Variants in NCBP3 observed in about 807,000 individuals in gnomAD.
NCBP3 encodes the protein nuclear cap binding subunit 3, also known as nuclear cap-binding protein subunit 3.
NCBP3 carries 20 observed loss-of-function variants against 75.7 expected under a neutral mutation model. The ratio of observed to expected loss-of-function variants is 0.26; its 90% CI spans 0.19 to 0.38. The LOEUF (loss-of-function observed/expected upper bound fraction) is 0.38, where lower values mean the gene tolerates loss of function less well. NCBP3 is among the 10% of genes least tolerant of loss of function. The pLI is 1.00. For missense variants in NCBP3, 678 were observed against 796.9 expected, an observed-to-expected ratio of 0.85 and a Z score of 1.80; for synonymous variants, 293 against 290.5, an observed-to-expected ratio of 1.01 and a Z score of -0.09.
rs1254299033 is a variant in NCBP3, at chr17:3,811,759, A to G, written c.*1285T>C. 1 of 152,236 alleles carries G rather than the reference A, an allele frequency of 6.6e-6. No homozygotes were observed. The highest frequency in any genetic ancestry group is 2.4e-5 in the African/African-American group (1 of 41,462). The allele number at this position is 152,236 out of a possible 1,614,324, so 9.4% of individuals were successfully genotyped here. ...CATCTCTAACGCCCATGTTCCAGCA[A>G]ACCGAAGAAAAACACTGTTTCTTAA... On this transcript the variant is annotated 3_prime_UTR_variant, in exon 13 of 13. Transcript: ENST00000389005.
rs984093273 is a variant in NCBP3, at chr17:3,810,625, G to C, written c.*2419C>G. On this transcript the variant is annotated 3_prime_UTR_variant, in exon 13 of 13. Transcript: ENST00000389005. ...TCATTCAGGACACACTCAAGATGTT[G>C]CAAGATCTGAGTGACTGAGAGTGGG... 1.3e-5 allele frequency: 2 copies of C among 152,194 alleles called. No individual in the cohort carries two copies. The highest frequency in any genetic ancestry group is 6.5e-5 in the Admixed American group (1 of 15,282). 9.4% of individuals were successfully genotyped at this position (152,194 alleles called of 1,614,324 possible).
Position 3,846,106 on chromosome 17 carries a change from T to C in NCBP3, c.118A>G (p.Met40Val). 6.5e-7 allele frequency: 1 copy of C among 1,548,644 alleles called. No homozygotes were observed. The highest frequency in any genetic ancestry group is 8.7e-7 in the Non-Finnish European group (1 of 1,145,802). Residue 40 changes from methionine to valine, a missense_variant, in exon 1 of 13, where the codon ATG (methionine) becomes GTG (valine). By Grantham distance (21) the Met-to-Val change is conservative. Around this residue, in one of 7 missense-constraint regions of NCBP3, gnomAD observed 46 missense variants for 82.8 expected, o/e 0.56. Transcript: ENST00000389005. The surrounding 1 kb of genome is among the most constrained non-coding windows in gnomAD (Gnocchi z 4.6). Reference sequence around the variant, plus strand: ...TCCAGCTCGCCCTCCTCCACCTCCATGGGCTCCGGCTCGCCACGGTCAACA... The same window carrying C: ...TCCAGCTCGCCCTCCTCCACCTCCACGGGCTCCGGCTCGCCACGGTCAACA... ...SGVDRGEPEP[M>V]EVEEGELEIV...
chr17:3,804,652 A>C lies in NCBP3; in HGVS notation c.*8392T>G, dbSNP rs2053318359. 6.6e-6 allele frequency: 1 copy of C among 152,072 alleles called. No homozygotes were observed. The highest frequency in any genetic ancestry group is 1.5e-5 in the Non-Finnish European group (1 of 68,072). 9.4% of individuals were successfully genotyped at this position (152,072 alleles called of 1,614,324 possible). A position where few individuals can be genotyped will look rare whatever the true frequency, so the allele number is the denominator to read the frequency against. On this transcript the variant is annotated 3_prime_UTR_variant, in exon 13 of 13. Transcript: ENST00000389005. ...GTTCTATTCTCCCACTTGCCTTCTGACTCTTAGGAAGCCAGAAAGAGTGAC... is the reference window on the plus strand; with the variant it reads ...GTTCTATTCTCCCACTTGCCTTCTGCCTCTTAGGAAGCCAGAAAGAGTGAC...
At chr17:3,830,882 C>A (rs2053865176) in intron 3 of NCBP3, among the ~76,000 whole-genome samples, 1 of 150,098 alleles carries the variant, frequency 6.7e-6, no homozygotes, top group African/African-American at 2.5e-5. Context: ...GGCGCCCAGC[C>A]AATTGCGTAC....
In NCBP3 at chr17:3,825,856, G is replaced by A. The variant is rs192621165; in HGVS notation, c.611-13C>T. 44 of 1,542,260 alleles carry A rather than the reference G, an allele frequency of 2.9e-5. No homozygotes were observed. In the Admixed American group the frequency reaches 7.7e-4, roughly 27 times the overall value. On this transcript the variant is annotated splice_polypyrimidine_tract_variant and intron_variant, in intron 5 of 12. Transcript: ENST00000389005. Reference sequence around the variant, plus strand: ...TCTTCCTGCTTGTCTAAAATGGAATGTGAAGGACAAGATGAAACAAGATAA... The same window carrying A: ...TCTTCCTGCTTGTCTAAAATGGAATATGAAGGACAAGATGAAACAAGATAA...
rs1470305411 is a variant in NCBP3 at position 3,825,839 on chromosome 17, C to T, written c.615G>A (p.Lys205=). The stretch of plus-strand genomic sequence containing the variant: ...CATCATCATCTGAACTGTCTTCCTG[C>T]TTGTCTAAAATGGAATGTGAAGGAC... The part of the protein sequence containing the change: ...DKSAEKRKKD[K]QEDSSDDDEA... Residue 205 remains lysine, a synonymous_variant, in exon 6 of 13, where the codon AAG becomes AAA. Coordinates refer to ENST00000389005, the MANE Select transcript of NCBP3 (RefSeq NM_001114118.3). 1 of 1,550,692 alleles carries T rather than the reference C, an allele frequency of 6.4e-7. No individual in the cohort carries two copies.
At chr17:3,825,464 C>T (rs376889986) in intron 6 of NCBP3, among the ~76,000 whole-genome samples, 4 of 152,316 alleles carry the variant, frequency 2.6e-5, no homozygotes, top group Middle Eastern at 3.4e-3. Flanking sequence ...AACAACAGTA[C>T]ATAATCCATT....
At chr17:3,835,871 ACTGT>A (rs1011350965) in intron 3 of NCBP3, among the ~76,000 whole-genome samples, 3 of 152,206 alleles carry the variant, frequency 2.0e-5, no homozygotes, top group Non-Finnish European at 4.4e-5. Flanking sequence ...CACAGCCCAA[ACTGT>A]CTGAATGCTG....
At chr17:3,829,978 C>A (rs997160157) in intron 3 of NCBP3, among the ~76,000 whole-genome samples, 16 of 152,190 alleles carry the variant, frequency 1.1e-4, no homozygotes, top group African/African-American at 3.9e-4. Context: ...AACAAGAAGA[C>A]ACCAGTTTTC....
chr17:3,841,621 T>G (rs1198516716), intron 2 of NCBP3, among the ~76,000 whole-genome samples: 1 of 147,942 alleles, frequency 6.8e-6, no homozygotes, highest in African/African-American at 2.5e-5. Context: ...TTTTTTTTTT[T>G]GCGGGGATGG....
rs2053602518 is a variant in NCBP3 at position 3,818,672 on chromosome 17, AT to A, written c.1001-101del. 3.0e-6 allele frequency: 4 copies of A among 1,315,420 alleles called. No individual in the cohort carries two copies. Among genetic ancestry groups the A allele is most frequent in the Non-Finnish European group, 4.1e-6 (4 of 965,220 alleles). 81.5% of individuals were successfully genotyped at this position (1,315,420 alleles called of 1,614,324 possible). A position where few individuals can be genotyped will look rare whatever the true frequency, so the allele number is the denominator to read the frequency against. ...GACCTTTTTAAAAGGTGGGGTTCCC[AT>A]CCCTGACATTTTATTGGAGCACTAT... On this transcript the variant is annotated intron_variant, in intron 9 of 12. Transcript: ENST00000389005. This position sits in a 1 kb window ranked among gnomAD's most constrained non-coding sequence, Gnocchi z 4.7.
At chr17:3,835,412 A>G (rs8065856) in intron 3 of NCBP3, among the ~76,000 whole-genome samples, 3,043 of 152,318 alleles carry the variant, frequency 0.02, 100 homozygotes, top group African/African-American at 0.069. Context: ...CTCACCTCAG[A>G]AAGAACATTC....
Position 3,818,357 on chromosome 17 carries a change from G to C in NCBP3, c.1216C>G (p.Leu406Val). Residue 406 changes from leucine (L) to valine (V), a missense_variant, in exon 10 of 13, where the codon CTA becomes GTA. Leu to Val is a conservative substitution (Grantham distance 32, BLOSUM62 1). This residue lies in a region of NCBP3 where 365 missense variants were observed against 392.7 expected (regional missense o/e 0.93). Transcript: ENST00000389005. The surrounding 1 kb of genome is among the most constrained non-coding windows in gnomAD (Gnocchi z 4.7). Reference protein sequence around the residue: ...SSDSDEMDYDLELKMISTPSP... With the variant: ...SSDSDEMDYDVELKMISTPSP... ...GGCGTGGAAATCATTTTCAGTTCTA[G>C]ATCATAGTCCATTTCATCTGAGTCT... 1 of 1,614,144 alleles carries C rather than the reference G, an allele frequency of 6.2e-7. No individual in the cohort carries two copies. Among genetic ancestry groups the C allele is most frequent in the Non-Finnish European group, 8.5e-7 (1 of 1,180,018 alleles).
In NCBP3 at chr17:3,845,308, G is replaced by A. The variant is rs563333272; in HGVS notation, c.183+733C>T. On this transcript the variant is annotated intron_variant, in intron 1 of 12. Transcript: ENST00000389005. Reference sequence around the variant, plus strand: ...TGGTCAAAAGTAATTCATGTTAGGTGAGAAATTAAGAGGAGTCATCCAGGC... The same window carrying A: ...TGGTCAAAAGTAATTCATGTTAGGTAAGAAATTAAGAGGAGTCATCCAGGC... 4.6e-5 allele frequency among the ~76,000 whole-genome samples: 7 copies of A among 152,166 alleles called. No homozygotes were observed. In the South Asian group the frequency reaches 1.0e-3, roughly 23 times the overall value.
intron 11 of NCBP3, 120 bp downstream of exon 11, chr17:3,815,995 TG>T: frequency 1.1e-6 from 1 of 890,596 alleles, no homozygotes; most frequent in Non-Finnish European, 1.6e-6. Context: ...AATTTAGACA[TG>T]ATGAACCAGG....
Position 3,824,810 on chromosome 17 carries a change from A to G in NCBP3, c.796+132T>C, listed in dbSNP as rs1479562503. On this transcript the variant is annotated intron_variant, in intron 7 of 12. Transcript: ENST00000389005. Reference sequence around the variant, plus strand: ...TCAGGTGGCAAGCAATTATTTCATAAGCGCAGAATATTATAGTTTGAAGGG... The same window carrying G: ...TCAGGTGGCAAGCAATTATTTCATAGGCGCAGAATATTATAGTTTGAAGGG... 2.3e-5 allele frequency: 10 copies of G among 434,480 alleles called. No homozygotes were observed. The Admixed American group carries it at 4.3e-4, about 19-fold the overall frequency. The allele number at this position is 434,480 out of a possible 1,614,324, so 26.9% of individuals were successfully genotyped here.
At chr17:3,821,469 C>A in intron 8 of NCBP3, 117 bp from the exon 9 acceptor site, 1 of 774,430 alleles carries the variant, frequency 1.3e-6, no homozygotes, top group Non-Finnish European at 2.1e-6. Context: ...CTCTCCCAGG[C>A]TGAAGTGCAA....
At chr17:3,840,685 C>A (rs2054048697) in intron 2 of NCBP3, among the ~76,000 whole-genome samples, 1 of 152,188 alleles carries the variant, frequency 6.6e-6, no homozygotes, top group Admixed American at 6.6e-5. Flanking sequence ...AGCCCACCTA[C>A]AACCACTTCA....
intron 4 of NCBP3, 118 bp downstream of exon 4, chr17:3,829,125 A>T: frequency 8.6e-7 from 1 of 1,164,304 alleles, no homozygotes; most frequent in Non-Finnish European, 1.2e-6. Context: ...CTGGACTAAC[A>T]GCAGAAGTTC....
Sources: gnomAD v4.1 joint callset for allele counts (sites outside exome capture counted in the v4.1 genomes callset) on GRCh38, gnomAD v4.1.1 for gene constraint, gnomAD v4.1.1 regional missense constraint, Gnocchi (gnomAD v3.1) non-coding constraint, MANE v1.5 for transcripts, NCBI Gene and HGNC (gene_info 2026-07-23, HGNC 2026-07-21) for gene names.